The following PID1 variants were observed in gnomAD, a reference collection of about 807,000 sequenced individuals.
PID1 encodes the protein phosphotyrosine interaction domain containing 1.
A neutral mutation model predicts 19.1 loss-of-function variants in PID1; 10 were observed. That is an observed-to-expected ratio of 0.52 (90% CI 0.32 to 0.89). The LOEUF (loss-of-function observed/expected upper bound fraction) is 0.89. PID1 is among the 40% of genes least tolerant of loss of function. The pLI is 0.03. For missense variants in PID1, 248 were observed against 285.3 expected (o/e 0.87, Z 0.94); for synonymous variants, 130 against 116.0 (o/e 1.12, Z -0.78).
At chr2:229,058,118 G>A (rs114822495) in intron 2 of PID1, among the ~76,000 whole-genome samples, 1 of 152,160 alleles carries the variant, frequency 6.6e-6, no homozygotes, top group African/African-American at 2.4e-5. Context: ...GCTTCTCCGT[G>A]GACACCCAAA....
intron 2 of PID1, among the ~76,000 whole-genome samples, chr2:229,119,755 A>G (rs1695480556): frequency 6.6e-6 from 1 of 152,190 alleles, no homozygotes; most frequent in Non-Finnish European, 1.5e-5. Flanking sequence ...ATGTGTGTGA[A>G]GTTATTTCTG....
At chr2:229,034,225 AG>A (rs1376225192) in intron 2 of PID1, among the ~76,000 whole-genome samples, 5 of 152,182 alleles carry the variant, frequency 3.3e-5, no homozygotes, top group Admixed American at 2.6e-4. Flanking sequence ...GAAGACACAA[AG>A]GGGGCTACTA....
At chr2:229,218,044 C>T (rs962669890) in intron 1 of PID1, among the ~76,000 whole-genome samples, 1 of 152,108 alleles carries the variant, frequency 6.6e-6, no homozygotes, top group African/African-American at 2.4e-5. Flanking sequence ...CTGTGCAGCC[C>T]AAAATCTTTA....
At chr2:229,026,175 T>C (rs1483023014) in intron 2 of PID1, 67 bp from the exon 3 acceptor site, 2 of 1,030,994 alleles carry the variant, frequency 1.9e-6, no homozygotes, top group East Asian at 4.8e-5. Context: ...ATAGACTGAA[T>C]GAGTAGCTGT....
rs575535411 is a variant in PID1 at position 229,169,340 on chromosome 2, A to G, written c.31-13376T>C. On this transcript the variant is annotated intron_variant, in intron 1 of 2. Transcript: ENST00000392055. ...ACTATATGATCCCAGATCATAGTAC[A>G]TGATTTGATGGGTTCAAGAGAAGTT... 9.2e-5 allele frequency among the ~76,000 whole-genome samples: 14 copies of G among 152,250 alleles called. No individual in the cohort carries two copies. The East Asian group carries it at 2.7e-3, about 30-fold the overall frequency.
At chr2:229,099,516 C>G (rs543815911) in intron 2 of PID1, among the ~76,000 whole-genome samples, 1 of 152,050 alleles carries the variant, frequency 6.6e-6, no homozygotes, top group African/African-American at 2.4e-5. Flanking sequence ...TTGAGAGAAG[C>G]GGGAGAGTTT....
At chr2:229,151,859 C>T (rs1393232226) in intron 2 of PID1, among the ~76,000 whole-genome samples, 1 of 152,246 alleles carries the variant, frequency 6.6e-6, no homozygotes, top group East Asian at 1.9e-4. Context: ...CGTGAGCCAC[C>T]GCGCCCAGCT....
intron 2 of PID1, among the ~76,000 whole-genome samples, chr2:229,032,060 T>C (rs2106166159): frequency 6.6e-6 from 1 of 152,292 alleles, no homozygotes; most frequent in African/African-American, 2.4e-5. Flanking sequence ...ATTAATTGTC[T>C]CAAAATACCA....
chr2:229,267,728 G>T (rs1366643912), intron 1 of PID1, among the ~76,000 whole-genome samples: 3 of 152,078 alleles, frequency 2.0e-5, no homozygotes, highest in Non-Finnish European at 4.4e-5. Flanking sequence ...ACTTCTGAGG[G>T]ATCCACCCAG....
intron 2 of PID1, among the ~76,000 whole-genome samples, chr2:229,062,792 C>A (rs1694238568): frequency 6.6e-6 from 1 of 151,962 alleles, no homozygotes; most frequent in Non-Finnish European, 1.5e-5. Context: ...TTATTTATTA[C>A]TGATTCAGTT....
At chr2:229,036,944 C>T (rs1461596287) in intron 2 of PID1, among the ~76,000 whole-genome samples, 2 of 152,154 alleles carry the variant, frequency 1.3e-5, no homozygotes, top group South Asian at 2.1e-4. Flanking sequence ...ACAAGGCCTT[C>T]CTCTGACTTT....
chr2:229,225,697 A>T (rs569007834), intron 1 of PID1, among the ~76,000 whole-genome samples: 1 of 152,188 alleles, frequency 6.6e-6, no homozygotes, highest in Non-Finnish European at 1.5e-5. Context: ...CTCACAGTTT[A>T]GCATGTCTGG....
At chr2:229,205,876 T>C (rs1016556147) in intron 1 of PID1, among the ~76,000 whole-genome samples, 1 of 152,170 alleles carries the variant, frequency 6.6e-6, no homozygotes, top group African/African-American at 2.4e-5. Context: ...CATAAATCCA[T>C]AGTGGACCAT....
At chr2:229,114,010 C>T (rs1208679120) in intron 2 of PID1, among the ~76,000 whole-genome samples, 2 of 152,262 alleles carry the variant, frequency 1.3e-5, no homozygotes, top group Middle Eastern at 3.4e-3. Context: ...AAAAGGCTGA[C>T]GTCCCTGGAA....
chr2:229,066,975 TGAAAAAACACCC>T (rs1352827331), intron 2 of PID1, among the ~76,000 whole-genome samples: 1 of 152,138 alleles, frequency 6.6e-6, no homozygotes, highest in Non-Finnish European at 1.5e-5. Flanking sequence ...CACACTGCTA[TGAAAAAACACCC>T]GAGACTGGGT....
chr2:229,249,264 A>T (rs1049625907), intron 1 of PID1, among the ~76,000 whole-genome samples: 2 of 152,204 alleles, frequency 1.3e-5, no homozygotes, highest in African/African-American at 4.8e-5. Flanking sequence ...TTTAATATAA[A>T]CACATAGAAT....
intron 1 of PID1, among the ~76,000 whole-genome samples, chr2:229,174,952 T>G (rs1449253429): frequency 1.3e-5 from 2 of 152,142 alleles, no homozygotes; most frequent in Non-Finnish European, 2.9e-5. Flanking sequence ...TGCTGAACAC[T>G]AAGCCTTGGC....
intron 1 of PID1, among the ~76,000 whole-genome samples, chr2:229,169,556 G>C (rs1690668004): frequency 6.6e-6 from 1 of 152,176 alleles, no homozygotes; most frequent in African/African-American, 2.4e-5. Flanking sequence ...TATATGTTTG[G>C]CAGACACAAA....
intron 2 of PID1, among the ~76,000 whole-genome samples, chr2:229,149,321 A>G (rs1206995802): frequency 6.6e-6 from 1 of 152,200 alleles, no homozygotes; most frequent in African/African-American, 2.4e-5. Flanking sequence ...TAAATACATA[A>G]TTGATCAACG....
Sources: gnomAD v4.1 joint callset for allele counts (sites outside exome capture counted in the v4.1 genomes callset) on GRCh38, gnomAD v4.1.1 for gene constraint, MANE v1.5 for transcripts, NCBI Gene and HGNC (gene_info 2026-07-23, HGNC 2026-07-21) for gene names.